PCDHA10: variants seen among roughly 807,000 people sequenced by gnomAD.
PCDHA10 encodes the protein protocadherin alpha 10.
A neutral mutation model predicts 61.2 loss-of-function variants in PCDHA10; 45 were observed. The ratio of observed to expected loss-of-function variants is 0.74; its 90% CI spans 0.58 to 0.94. PCDHA10 has a LOEUF of 0.94. Ranked by LOEUF, PCDHA10 falls within the 40% of genes least tolerant of loss-of-function variation. The pLI, the probability that PCDHA10 is intolerant of heterozygous loss-of-function variation, is 0.00. For missense variants in PCDHA10, 1,278 were observed against 1,236.2 expected (o/e 1.03, Z -0.51); for synonymous variants, 602 against 548.8 (o/e 1.10, Z -1.35).
intron 1 of PCDHA10, among the ~76,000 whole-genome samples, chr5:140,872,191 T>A (rs1168972133): frequency 1.3e-5 from 2 of 152,162 alleles, no homozygotes; most frequent in Non-Finnish European, 1.5e-5. Flanking sequence ...GTGTTAAACG[T>A]TCATCATAAA....
In PCDHA10 at chr5:141,009,987, A is replaced by C. The variant is rs2154001821; in HGVS notation, c.*50A>C. The C allele has an allele frequency of 6.3e-7, 1 of 1,580,396 alleles. No individual in the cohort carries two copies. Among genetic ancestry groups the C allele is most frequent in the East Asian group, 2.2e-5 (1 of 44,670 alleles). On this transcript the variant is annotated 3_prime_UTR_variant, in exon 4 of 4. Coordinates refer to ENST00000307360, the MANE Select transcript of PCDHA10 (RefSeq NM_018901.4). The stretch of plus-strand genomic sequence containing the variant: ...TTAGCCAGTTTTTGTAATAATGGCA[A>C]ATCTCTCCCATGTAGCAATTCCCTG...
chr5:140,999,654 C>A (rs180994815), intron 3 of PCDHA10, among the ~76,000 whole-genome samples: 1 of 152,122 alleles, frequency 6.6e-6, no homozygotes, highest in South Asian at 2.1e-4. Flanking sequence ...AGCCTGAGCC[C>A]TGCTGGGTTG....
At chr5:140,858,475 G>A in intron 1 of PCDHA10, 39 bp downstream of exon 1, 1 of 1,517,006 alleles carries the variant, frequency 6.6e-7, no homozygotes, top group Non-Finnish European at 9.0e-7. Flanking sequence ...TGTGCTTTAT[G>A]AATAATATTT....
At chr5:140,901,654 T>C (rs1274474554) in intron 1 of PCDHA10, among the ~76,000 whole-genome samples, 6 of 152,194 alleles carry the variant, frequency 3.9e-5, no homozygotes. Flanking sequence ...GTTTTGTTCT[T>C]TTTGCTCAAG....
At chr5:140,899,250 G>A (rs1232558400) in intron 1 of PCDHA10, among the ~76,000 whole-genome samples, 1 of 152,118 alleles carries the variant, frequency 6.6e-6, no homozygotes, top group African/African-American at 2.4e-5. Flanking sequence ...GGTGAGAGAG[G>A]GCATCCCTGT....
At chr5:140,974,652 C>T (rs1238427822) in intron 1 of PCDHA10, among the ~76,000 whole-genome samples, 2 of 152,078 alleles carry the variant, frequency 1.3e-5, no homozygotes, top group East Asian at 1.9e-4. Context: ...GCTGAGATTA[C>T]AGGCATGCGC....
intron 1 of PCDHA10, chr5:140,869,960 C>G: frequency 6.2e-7 from 1 of 1,612,264 alleles, no homozygotes; most frequent in Non-Finnish European, 8.5e-7. Flanking sequence ...TCAATTAAGC[C>G]CAATGGAAGA....
chr5:140,869,730 T>G (rs1319130298), intron 1 of PCDHA10: 24 of 1,613,274 alleles, frequency 1.5e-5, no homozygotes, highest in Non-Finnish European at 2.0e-5. Context: ...CGGAACTTAA[T>G]TTGCTGCTAA....
chr5:140,961,805 G>A (rs1554225601), intron 1 of PCDHA10, among the ~76,000 whole-genome samples: 1 of 151,810 alleles, frequency 6.6e-6, no homozygotes, highest in African/African-American at 2.4e-5. Context: ...AGGAAATTGG[G>A]TTCTCTAGTC....
Position 140,882,982 on chromosome 5 carries a change from C to T in PCDHA10, c.2388+24546C>T, listed in dbSNP as rs139888237. 2.9e-5 allele frequency: 47 copies of T among 1,614,148 alleles called. No individual in the cohort carries two copies. The East Asian group carries it at 3.6e-4, about 12-fold the overall frequency. On this transcript the variant is annotated intron_variant, in intron 1 of 3. Coordinates refer to ENST00000307360, the MANE Select transcript of PCDHA10 (RefSeq NM_018901.4). The stretch of plus-strand genomic sequence containing the variant: ...TCACGATTCTGGACGTGAATGACAA[C>T]GCCCCGGAATTTTACCAATCCGTTT...
At chr5:140,934,690 T>G (rs1263392505) in intron 1 of PCDHA10, among the ~76,000 whole-genome samples, 1 of 152,198 alleles carries the variant, frequency 6.6e-6, no homozygotes, top group Non-Finnish European at 1.5e-5. Flanking sequence ...AAACAATGAA[T>G]TGATTCCTGG....
chr5:140,882,972 T>C, intron 1 of PCDHA10: 1 of 1,614,190 alleles, frequency 6.2e-7, no homozygotes, highest in Non-Finnish European at 8.5e-7. Context: ...ATTCTGGACG[T>C]GAATGACAAC....
chr5:140,953,187 T>A (rs2094856489), intron 1 of PCDHA10, among the ~76,000 whole-genome samples: 1 of 152,148 alleles, frequency 6.6e-6, no homozygotes, highest in South Asian at 2.1e-4. Flanking sequence ...AGAATAAACT[T>A]GATTAGACTA....
rs1277596666 is a variant in PCDHA10 at position 140,856,532 on chromosome 5, G to A, written c.484G>A (p.Gly162Arg). ...AGAAGGCGCATCTGATGCGGATGTT[G>A]GAGAGAACGCATTGCTTACTTACAA... Reference protein sequence around the residue: ...PLEGASDADVGENALLTYKLS... With the variant: ...PLEGASDADVRENALLTYKLS... Residue 162 changes from glycine to arginine, a missense_variant, in exon 1 of 4, where the codon GGA (glycine) becomes AGA (arginine). By Grantham distance (125) the Gly-to-Arg change is moderately radical. Transcript: ENST00000307360. The A allele has an allele frequency of 1.9e-6, 3 of 1,598,248 alleles. 1 individual carries two copies. The highest frequency in any genetic ancestry group is 2.6e-6 in the Non-Finnish European group (3 of 1,167,844).
chr5:140,857,059 G>A lies in PCDHA10; in HGVS notation c.1011G>A (p.Val337=). Residue 337 remains valine (V), a synonymous_variant, in exon 1 of 4, where the codon GTG becomes GTA. Transcript: ENST00000307360. The stretch of plus-strand genomic sequence containing the variant: ...TGGTTGGTCACTGCACGGTCCTAGT[G>A]GAACTACTGGATGAAAATGATAATT... ...PPMVGHCTVL[V]ELLDENDNSP... is the part of the protein sequence containing the mutation. The A allele has an allele frequency of 4.4e-6, 7 of 1,594,522 alleles. 2 individuals are homozygous for A. The highest frequency in any genetic ancestry group is 6.0e-6 in the Non-Finnish European group (7 of 1,164,610).
intron 1 of PCDHA10, among the ~76,000 whole-genome samples, chr5:140,902,660 C>A (rs1322922634): frequency 1.3e-5 from 2 of 152,116 alleles, no homozygotes; most frequent in Non-Finnish European, 2.9e-5. Flanking sequence ...GCACCTGTCA[C>A]CCAAGCAGTG....
At chr5:140,994,811 A>G (rs1283053490) in intron 3 of PCDHA10, among the ~76,000 whole-genome samples, 1 of 152,194 alleles carries the variant, frequency 6.6e-6, no homozygotes, top group Non-Finnish European at 1.5e-5. Context: ...ACAAAATACA[A>G]AAAACTGAAT....
At chr5:140,915,469 A>G (rs2077137068) in intron 1 of PCDHA10, among the ~76,000 whole-genome samples, 1 of 152,034 alleles carries the variant, frequency 6.6e-6, no homozygotes, top group Admixed American at 6.6e-5. Context: ...TTTTTATTTG[A>G]AGGAGCTTGG....
rs782510264 is a variant in PCDHA10, at chr5:140,863,385, G to A, written c.2388+4949G>A. 4 of 1,030,862 alleles carry A rather than the reference G, an allele frequency of 3.9e-6. No homozygotes were observed. In the South Asian group the frequency reaches 4.9e-5, roughly 13 times the overall value. The allele number at this position is 1,030,862 out of a possible 1,614,324, so 63.9% of individuals were successfully genotyped here. ...GCTTGGCGCAGCTCACCGAGAGCTC[G>A]TGCATGCCGGGCAAGCCCACGCTGG... On this transcript the variant is annotated intron_variant, in intron 1 of 3. Transcript: ENST00000307360.
Sources: gnomAD v4.1 joint callset for allele counts (sites outside exome capture counted in the v4.1 genomes callset) on GRCh38, gnomAD v4.1.1 for gene constraint, MANE v1.5 for transcripts, NCBI Gene and HGNC (gene_info 2026-07-23, HGNC 2026-07-21) for gene names.